Variants in ST6GALNAC3 observed in about 807,000 individuals in gnomAD.
The protein encoded by ST6GALNAC3 is ST6 N-acetylgalactosaminide alpha-2,6-sialyltransferase 3, also known as alpha-N-acetylgalactosaminide alpha-2,6-sialyltransferase 3.
A neutral mutation model predicts 32.7 loss-of-function variants in ST6GALNAC3; 25 were observed. The ratio of observed to expected loss-of-function variants is 0.76; its 90% CI spans 0.56 to 1.07. The LOEUF (loss-of-function observed/expected upper bound fraction) is 1.07. Among genes scored for constraint, ST6GALNAC3 ranks in the 50% least tolerant of loss-of-function variants. The pLI is 0.00. For synonymous variants in ST6GALNAC3, 129 were observed against 133.1 expected (o/e 0.97, Z 0.21); for missense variants, 355 against 382.4 (o/e 0.93, Z 0.60).
chr1:76,550,582 C>T (rs1017270928), intron 3 of ST6GALNAC3, among the ~76,000 whole-genome samples: 4 of 152,058 alleles, frequency 2.6e-5, no homozygotes, highest in African/African-American at 9.7e-5. Flanking sequence ...GGTGTAGGGG[C>T]TTAGTAGCCA....
chr1:76,504,645 A>G (rs1405747323), intron 3 of ST6GALNAC3, among the ~76,000 whole-genome samples: 1 of 152,142 alleles, frequency 6.6e-6, no homozygotes, highest in African/African-American at 2.4e-5. Context: ...TGGTAAGACT[A>G]AGTTACTTTG....
Position 76,628,805 on chromosome 1 carries a change from G to C in ST6GALNAC3, c.917G>C (p.Ter306SerextTer1), listed in dbSNP as rs1259641661. The C allele has an allele frequency of 6.2e-7, 1 of 1,609,978 alleles. No homozygotes were observed. The highest frequency in any genetic ancestry group is 2.2e-5 in the East Asian group (1 of 44,804). ...IFTHPNWTLS[*>S] ...ACACATCCAAACTGGACATTGTCTT[G>C]ATAATGGTTTTCCTGATCTTGCCGC... Residue 306 changes from the stop codon to serine, a stop_lost, in exon 5 of 5, where the codon TGA becomes TCA. Transcript: ENST00000328299.
At chr1:76,210,316 G>C (rs1655079100) in intron 1 of ST6GALNAC3, among the ~76,000 whole-genome samples, 1 of 151,784 alleles carries the variant, frequency 6.6e-6, no homozygotes, top group Non-Finnish European at 1.5e-5. Context: ...TAGTTTTTTT[G>C]GGTTTTCCTT....
intron 2 of ST6GALNAC3, among the ~76,000 whole-genome samples, chr1:76,339,304 A>G (rs1647763720): frequency 6.6e-6 from 1 of 152,186 alleles, no homozygotes; most frequent in Non-Finnish European, 1.5e-5. Context: ...AGTCAGATTC[A>G]GAGATTTAAA....
chr1:76,283,611 G>C (rs1452367040), intron 1 of ST6GALNAC3, among the ~76,000 whole-genome samples: 1 of 152,126 alleles, frequency 6.6e-6, no homozygotes, highest in Non-Finnish European at 1.5e-5. Flanking sequence ...TTGATCTCTT[G>C]CCTAAGTTTT....
intron 3 of ST6GALNAC3, among the ~76,000 whole-genome samples, chr1:76,430,886 G>T (rs1317301439): frequency 6.6e-6 from 1 of 152,142 alleles, no homozygotes; most frequent in Non-Finnish European, 1.5e-5. Flanking sequence ...GTTCTGCCTG[G>T]AGCTGATTTC....
intron 2 of ST6GALNAC3, among the ~76,000 whole-genome samples, chr1:76,331,458 C>A (rs563980056): frequency 1.3e-5 from 2 of 152,256 alleles, no homozygotes; most frequent in East Asian, 1.9e-4. Flanking sequence ...TTGAATAGAA[C>A]CTTTGCTCCA....
chr1:76,426,932 G>C (rs1655435289), intron 3 of ST6GALNAC3, among the ~76,000 whole-genome samples: 1 of 152,004 alleles, frequency 6.6e-6, no homozygotes, highest in Non-Finnish European at 1.5e-5. Flanking sequence ...TAACTTTCAT[G>C]AGAGATTCTG....
chr1:76,563,580 A>G (rs1665374712), intron 3 of ST6GALNAC3, among the ~76,000 whole-genome samples: 4 of 152,226 alleles, frequency 2.6e-5, no homozygotes, highest in African/African-American at 9.6e-5. Context: ...GCTCCCAAAC[A>G]GTAGAAATAA....
intron 1 of ST6GALNAC3, among the ~76,000 whole-genome samples, chr1:76,147,311 C>T (rs1295198916): frequency 6.6e-6 from 1 of 152,158 alleles, no homozygotes; most frequent in African/African-American, 2.4e-5. Context: ...GATCCAACTG[C>T]CTCAGCCTCC....
At position 76,536,488 on chromosome 1, in the gene ST6GALNAC3, C is replaced by T. The variant is rs188216397; in HGVS notation, c.624-90964C>T. ...ATAAAACCATCAGATCTCATGAGAA[C>T]TCACTCAACATCATGAGAACAGCAT... On this transcript the variant is annotated intron_variant, in intron 3 of 4. Transcript: ENST00000328299. Among the ~76,000 whole-genome samples the T allele has an allele frequency of 6.3e-4, 96 of 152,030 alleles. No homozygotes were observed. In the Middle Eastern group the frequency reaches 0.01, roughly 16 times the overall value.
intron 3 of ST6GALNAC3, among the ~76,000 whole-genome samples, chr1:76,491,015 C>T (rs1308445479): frequency 6.6e-6 from 1 of 151,832 alleles, no homozygotes; most frequent in African/African-American, 2.4e-5. Context: ...TGCGCCACCA[C>T]GCCCGGCTAA....
At chr1:76,563,715 A>G (rs1160746035) in intron 3 of ST6GALNAC3, among the ~76,000 whole-genome samples, 1 of 152,190 alleles carries the variant, frequency 6.6e-6, no homozygotes, top group Non-Finnish European at 1.5e-5. Flanking sequence ...TATTCAATAT[A>G]TGTTTTGTTT....
Position 76,359,927 on chromosome 1 carries a change from T to A in ST6GALNAC3, c.213+45928T>A, listed in dbSNP as rs148241009. Among the ~76,000 whole-genome samples, 99 of 152,296 alleles carry A rather than the reference T, an allele frequency of 6.5e-4. 3 individuals carry two copies. In the East Asian group the frequency reaches 0.018, roughly 28 times the overall value. On this transcript the variant is annotated intron_variant, in intron 2 of 4. Transcript: ENST00000328299. ...TTGAGTGATGACTCCCAAACATACA[T>A]CTTTAGCTAAGACTTCTCTTCAGTC...
intron 3 of ST6GALNAC3, among the ~76,000 whole-genome samples, chr1:76,556,946 T>C (rs1664964045): frequency 6.6e-6 from 1 of 152,086 alleles, no homozygotes; most frequent in African/African-American, 2.4e-5. Context: ...GCTTGCCTAA[T>C]CCAAAGTAAG....
At chr1:76,594,277 C>T (rs551503131) in intron 3 of ST6GALNAC3, among the ~76,000 whole-genome samples, 40 of 152,214 alleles carry the variant, frequency 2.6e-4, no homozygotes, top group African/African-American at 9.1e-4. Flanking sequence ...GTCAATATTA[C>T]AAATATGACA....
chr1:76,248,692 TC>T (rs1482460799), intron 1 of ST6GALNAC3, among the ~76,000 whole-genome samples: 1 of 152,182 alleles, frequency 6.6e-6, no homozygotes, highest in East Asian at 1.9e-4. Flanking sequence ...TCCTCATATC[TC>T]CTCTTGTCTT....
chr1:76,524,499 T>C (rs920464727), intron 3 of ST6GALNAC3, among the ~76,000 whole-genome samples: 4 of 152,272 alleles, frequency 2.6e-5, no homozygotes, highest in African/African-American at 9.6e-5. Flanking sequence ...GGTAAAGACT[T>C]TATGTTATTC....
chr1:76,223,766 C>T (rs1381255736), intron 1 of ST6GALNAC3, among the ~76,000 whole-genome samples: 1 of 151,946 alleles, frequency 6.6e-6, no homozygotes, highest in East Asian at 1.9e-4. Flanking sequence ...TCAGTCTTTC[C>T]TGATTATTGA....
Sources: gnomAD v4.1 joint callset for allele counts (sites outside exome capture counted in the v4.1 genomes callset) on GRCh38, gnomAD v4.1.1 for gene constraint, MANE v1.5 for transcripts, NCBI Gene and HGNC (gene_info 2026-07-23, HGNC 2026-07-21) for gene names.